PCNX1: variants seen among roughly 807,000 people sequenced by gnomAD.
The protein encoded by PCNX1 is pecanex 1, also known as pecanex-like protein 1.
In PCNX1, 78 loss-of-function variants were observed where a neutral mutation model predicts 242.2. That is an observed-to-expected ratio of 0.32 (90% CI 0.27 to 0.39). The LOEUF is 0.39. PCNX1 is among the 10% of genes least tolerant of loss of function. PCNX1 has a pLI of 1.00. For missense variants in PCNX1, 2,581 were observed against 2,856.5 expected (o/e 0.90, Z 2.20); for synonymous variants, 1,024 against 1,032.9 (o/e 0.99, Z 0.17).
At chr14:70,933,489 T>C (rs1191833728) in intron 1 of PCNX1, among the ~76,000 whole-genome samples, 1 of 152,182 alleles carries the variant, frequency 6.6e-6, no homozygotes, top group African/African-American at 2.4e-5. Context: ...GAAATTTGGA[T>C]TTGTGTCTAT....
intron 19 of PCNX1, among the ~76,000 whole-genome samples, chr14:71,037,467 A>G (rs2060574789): frequency 6.6e-6 from 1 of 150,734 alleles, no homozygotes; most frequent in Non-Finnish European, 1.5e-5. Context: ...TGTCCCATCA[A>G]TACCTAATTT....
intron 24 of PCNX1, among the ~76,000 whole-genome samples, chr14:71,052,988 A>G (rs4902874): frequency 0.16 from 23,979 of 152,212 alleles, 2,465 homozygotes; most frequent in African/African-American, 0.28. Context: ...TTATAATTCT[A>G]CTGACCATCT....
At position 71,057,734 on chromosome 14, in the gene PCNX1, T is replaced by G. The variant is rs2061219892; in HGVS notation, c.4852+10T>G. On this transcript the variant is annotated intron_variant, in intron 26 of 35. Coordinates refer to ENST00000304743, the MANE Select transcript of PCNX1 (RefSeq NM_014982.3). ...GGACTTGAATTCAGAGGTAAGACAT[T>G]CATTCACCTTTTATTTCTGTAGCAT... 3 of 1,577,082 alleles carry G rather than the reference T, an allele frequency of 1.9e-6. No individual in the cohort carries two copies. The highest frequency in any genetic ancestry group is 2.6e-6 in the Non-Finnish European group (3 of 1,146,896).
Position 70,907,987 on chromosome 14 carries a change from C to G in PCNX1, c.137C>G (p.Pro46Arg). 6.3e-7 allele frequency: 1 copy of G among 1,595,734 alleles called. No individual in the cohort carries two copies. Among genetic ancestry groups the G allele is most frequent in the Non-Finnish European group, 8.5e-7 (1 of 1,172,564 alleles). Residue 46 changes from proline (P) to arginine (R), a missense_variant, in exon 1 of 36, where the codon CCC (proline) becomes CGC (arginine). Coordinates refer to ENST00000304743, the MANE Select transcript of PCNX1 (RefSeq NM_014982.3). ...LYLWLFLLGL[P>R]FTLYMALPST... ...CTGTGGCTCTTTCTGCTGGGCCTGC[C>G]CTTCACCCTCTACATGGTGAGTGTG...
At chr14:70,935,411 T>G (rs905321457) in intron 1 of PCNX1, among the ~76,000 whole-genome samples, 1 of 152,202 alleles carries the variant, frequency 6.6e-6, no homozygotes, top group African/African-American at 2.4e-5. Context: ...ACACTTAATA[T>G]GTACATCTTG....
intron 26 of PCNX1, among the ~76,000 whole-genome samples, chr14:71,071,206 G>C (rs1333989125): frequency 2.0e-5 from 3 of 152,202 alleles, no homozygotes; most frequent in Non-Finnish European, 4.4e-5. Context: ...TAGTTGGTTT[G>C]ATCTTCTCTC....
intron 12 of PCNX1, among the ~76,000 whole-genome samples, chr14:71,019,494 C>G (rs922146336): frequency 6.6e-6 from 1 of 152,164 alleles, no homozygotes; most frequent in Non-Finnish European, 1.5e-5. Context: ...CGTCGCCTCC[C>G]AGGTTCAAGT....
intron 23 of PCNX1, among the ~76,000 whole-genome samples, chr14:71,051,287 C>G (rs1566749809): frequency 6.8e-6 from 1 of 147,618 alleles, no homozygotes; most frequent in African/African-American, 2.5e-5. Context: ...CATAAGAAAA[C>G]TATACAGGTT....
In PCNX1 at chr14:70,978,630, C is replaced by T; in HGVS notation, c.2293C>T (p.Gln765Ter). Residue 765 changes from glutamine (Q) to a stop codon, truncating the protein, a stop_gained, in exon 6 of 36, where the codon CAA becomes TAA. Coordinates refer to ENST00000304743, the MANE Select transcript of PCNX1 (RefSeq NM_014982.3). LOFTEE classifies it high-confidence loss of function. The stretch of plus-strand genomic sequence containing the variant: ...GGTTGCATTTCCTGAAGGGGAAGAG[C>T]AAGATGCAGTCAGTGGAGGTAAGTA... The part of the protein sequence containing the change: ...NQVAFPEGEE[Q>*]DAVSGAAQAS... 2 of 1,612,074 alleles carry T rather than the reference C, an allele frequency of 1.2e-6. No homozygotes were observed. Among genetic ancestry groups the T allele is most frequent in the Non-Finnish European group, 1.7e-6 (2 of 1,178,986 alleles).
chr14:70,949,648 G>A (rs1001625720), intron 2 of PCNX1, among the ~76,000 whole-genome samples: 4 of 152,120 alleles, frequency 2.6e-5, no homozygotes, highest in South Asian at 4.1e-4. Context: ...ACTGTGATTC[G>A]ATGTCAACTC....
chr14:71,087,849 A>T (rs1460488658), intron 28 of PCNX1, among the ~76,000 whole-genome samples: 1 of 152,206 alleles, frequency 6.6e-6, no homozygotes, highest in Non-Finnish European at 1.5e-5. Flanking sequence ...GGTTGAGGGG[A>T]AACAATATTT....
intron 24 of PCNX1, among the ~76,000 whole-genome samples, chr14:71,053,797 A>C (rs2061106887): frequency 6.6e-6 from 1 of 152,254 alleles, no homozygotes; most frequent in Admixed American, 6.5e-5. Context: ...AAAGTTAAGA[A>C]TAACTATATT....
At chr14:70,910,711 T>C (rs567546122) in intron 1 of PCNX1, among the ~76,000 whole-genome samples, 2 of 149,788 alleles carry the variant, frequency 1.3e-5, no homozygotes, top group South Asian at 4.1e-4. Context: ...TTTTTATGTC[T>C]TTCTTATCTT....
chr14:71,076,162 C>CT (rs763157187), intron 27 of PCNX1, 27 bp from the exon 28 acceptor site: 9,225 of 1,134,442 alleles, frequency 8.1e-3, no homozygotes, highest in Non-Finnish European at 9.4e-3. Flanking sequence ...AATCTGAATT[C>CT]TTTTTTTTTT....
In PCNX1 at chr14:71,013,071, C is replaced by T. The variant is rs1193133652; in HGVS notation, c.2865C>T (p.Asp955=). 1.2e-6 allele frequency: 2 copies of T among 1,614,078 alleles called. No homozygotes were observed. The highest frequency in any genetic ancestry group is 3.3e-5 in the Admixed American group (2 of 60,028). ...LEQQDIDLSP[D]LAATYGPTEE... ...AACAGGACATTGATCTAAGCCCTGACTTGGCAGCTACTTACGGCCCAACAG... is the reference window on the plus strand; with the variant it reads ...AACAGGACATTGATCTAAGCCCTGATTTGGCAGCTACTTACGGCCCAACAG... Residue 955 remains aspartate (D), a synonymous_variant, in exon 11 of 36, where the codon GAC becomes GAT. Transcript: ENST00000304743.
At position 71,057,735 on chromosome 14, in the gene PCNX1, C is replaced by G. The variant is rs2141246981; in HGVS notation, c.4852+11C>G. On this transcript the variant is annotated intron_variant, in intron 26 of 35. Transcript: ENST00000304743. ...GACTTGAATTCAGAGGTAAGACATTCATTCACCTTTTATTTCTGTAGCATA... is the reference window on the plus strand; with the variant it reads ...GACTTGAATTCAGAGGTAAGACATTGATTCACCTTTTATTTCTGTAGCATA... 6.3e-7 allele frequency: 1 copy of G among 1,575,298 alleles called. No homozygotes were observed. The highest frequency in any genetic ancestry group is 2.2e-5 in the East Asian group (1 of 44,598).
At chr14:71,007,508 T>C (rs2140487851) in intron 8 of PCNX1, among the ~76,000 whole-genome samples, 1 of 152,286 alleles carries the variant, frequency 6.6e-6, no homozygotes, top group East Asian at 1.9e-4. Context: ...GTATAAATTA[T>C]GTTATGACAA....
chr14:71,112,645 T>C lies in PCNX1; in HGVS notation c.*2710T>C, dbSNP rs1595532476. 6.6e-6 allele frequency: 1 copy of C among 152,234 alleles called. No individual in the cohort carries two copies. Among genetic ancestry groups the C allele is most frequent in the African/African-American group, 2.4e-5 (1 of 41,580 alleles). 9.4% of individuals were successfully genotyped at this position (152,234 alleles called of 1,614,324 possible). A position where few individuals can be genotyped will look rare whatever the true frequency, so the allele number is the denominator to read the frequency against. ...GCCTCACCCCTCACCCCCCAGAGAA[T>C]AGTGAGTGACTCGTTTAGATTCTCT... On this transcript the variant is annotated 3_prime_UTR_variant, in exon 36 of 36. Coordinates refer to ENST00000304743, the MANE Select transcript of PCNX1 (RefSeq NM_014982.3).
chr14:70,937,481 C>G (rs1456950872), intron 1 of PCNX1, among the ~76,000 whole-genome samples: 2 of 152,078 alleles, frequency 1.3e-5, no homozygotes, highest in African/African-American at 4.8e-5. Flanking sequence ...CTGTTCTGTT[C>G]CATCGGTCTA....
Sources: gnomAD v4.1 joint callset for allele counts (sites outside exome capture counted in the v4.1 genomes callset) on GRCh38, gnomAD v4.1.1 for gene constraint, MANE v1.5 for transcripts, NCBI Gene and HGNC (gene_info 2026-07-23, HGNC 2026-07-21) for gene names.